PRG4: variants seen among roughly 807,000 people sequenced by gnomAD.
PRG4 encodes articular superficial zone protein.
PRG4 carries 61 observed loss-of-function variants against 91.2 expected under a neutral mutation model. The observed-to-expected ratio is 0.67, with a 90% CI of 0.54 to 0.83. PRG4 has a LOEUF of 0.83. PRG4 is among the 40% of genes least tolerant of loss of function. The pLI is 0.00. For missense variants in PRG4, 1,564 were observed against 1,714.2 expected, an observed-to-expected ratio of 0.91 and a Z score of 1.55; for synonymous variants, 576 against 614.2, an observed-to-expected ratio of 0.94 and a Z score of 0.92.
intron 6 of PRG4, among the ~76,000 whole-genome samples, chr1:186,305,605 C>T (rs575301814): frequency 1.5e-4 from 23 of 152,282 alleles, no homozygotes; most frequent in South Asian, 2.1e-4. Flanking sequence ...TGATTTCCTC[C>T]GAAGCATTCG....
At position 186,308,492 on chromosome 1, in the gene PRG4, C is replaced by G; in HGVS notation, c.2773C>G (p.Arg925Gly). The change falls in exon 7 of 13, where the codon CGT (arginine) becomes GGT (glycine). Residue 925 changes from arginine to glycine, a missense_variant. Arg to Gly is a moderately radical substitution (Grantham distance 125). Transcript: ENST00000445192. ...AKDKTTERDL[R>G]TTPETTTAAP... ...AGACAAGACAACAGAAAGAGACTTA[C>G]GTACTACACCTGAAACTACAACTGC... is the stretch of plus-strand genomic sequence containing the variant. 1.9e-6 allele frequency: 3 copies of G among 1,613,774 alleles called. No individual in the cohort carries two copies. Among genetic ancestry groups the G allele is most frequent in the African/African-American group, 1.3e-5 (1 of 75,022 alleles).
chr1:186,299,790 T>C (rs1656082906), intron 2 of PRG4, among the ~76,000 whole-genome samples: 1 of 152,228 alleles, frequency 6.6e-6, no homozygotes, highest in Admixed American at 6.5e-5. Flanking sequence ...AAACCACAGA[T>C]CGGTAGTAGC....
In PRG4 at chr1:186,308,120, G is replaced by C; in HGVS notation, c.2401G>C (p.Glu801Gln). 6.2e-7 allele frequency: 1 copy of C among 1,602,862 alleles called. No homozygotes were observed. The highest frequency in any genetic ancestry group is 8.5e-7 in the Non-Finnish European group (1 of 1,176,696). The change falls in exon 7 of 13, where the codon GAG (glutamate) becomes CAG (glutamine). Residue 801 changes from glutamate to glutamine, a missense_variant. Coordinates refer to ENST00000445192, the MANE Select transcript of PRG4 (RefSeq NM_005807.6). ...TACTCCCAAGAAGCCTGCCCCCAAG[G>C]AGCTTGCACCCACCACCACCAAGGG... ...PTTPKKPAPK[E>Q]LAPTTTKGPT...
In PRG4 at chr1:186,309,778, T is replaced by C. The variant is rs530754940; in HGVS notation, c.3422-15T>C. ...TTCTGTTCTATATTTGTTTTGTTTT[T>C]GTTAATTTGTTTAGATGAGACCAAT... is the stretch of plus-strand genomic sequence containing the variant. On this transcript the variant is annotated splice_polypyrimidine_tract_variant and intron_variant, in intron 7 of 12. Coordinates refer to ENST00000445192, the MANE Select transcript of PRG4 (RefSeq NM_005807.6). The C allele has an allele frequency of 9.4e-6, 15 of 1,593,580 alleles. No homozygotes were observed. In the East Asian group the frequency reaches 1.1e-4, roughly 12 times the overall value.
intron 6 of PRG4, among the ~76,000 whole-genome samples, chr1:186,305,678 C>T (rs991076795): frequency 1.3e-5 from 2 of 152,138 alleles, no homozygotes; most frequent in African/African-American, 2.4e-5. Flanking sequence ...AGGAAGCCAC[C>T]CTTGGGCTTT....
In PRG4 at chr1:186,307,156, C is replaced by T. The variant is rs774903889; in HGVS notation, c.1437C>T (p.Pro479=). The T allele has an allele frequency of 8.6e-7, 1 of 1,165,994 alleles. No individual in the cohort carries two copies. The highest frequency in any genetic ancestry group is 1.2e-6 in the Non-Finnish European group (1 of 835,194). The allele number at this position is 1,165,994 out of a possible 1,614,324, so 72.2% of individuals were successfully genotyped here. ...PTTKEPAPTT[P]KEPAPTAPKK... is the part of the protein sequence containing the mutation. Reference sequence around the variant, plus strand: ...CCAAGGAGCCTGCACCCACCACTCCCAAAGAGCCTGCACCCACTGCCCCCA... The same window carrying T: ...CCAAGGAGCCTGCACCCACCACTCCTAAAGAGCCTGCACCCACTGCCCCCA... Residue 479 remains proline (P), a synonymous_variant, in exon 7 of 13, where the codon CCC becomes CCT. Transcript: ENST00000445192.
chr1:186,301,579 T>C lies in PRG4; in HGVS notation c.200-13T>C, dbSNP rs375207109. ...AATGAATAATCTGTAACTTCTTGTT[T>C]TGCTCTGGGTAGAGCTTTCCTGTAA... On this transcript the variant is annotated splice_polypyrimidine_tract_variant and intron_variant, in intron 3 of 12. Transcript: ENST00000445192. 1 of 1,613,812 alleles carries C rather than the reference T, an allele frequency of 6.2e-7. No individual in the cohort carries two copies.
intron 1 of PRG4, 39 bp from the exon 2 acceptor site, chr1:186,296,807 T>C: frequency 8.7e-7 from 1 of 1,144,098 alleles, no homozygotes; most frequent in Non-Finnish European, 1.3e-6. Flanking sequence ...AGTGGTGAGA[T>C]GAAAGAGCTG....
At position 186,306,530 on chromosome 1, in the gene PRG4, T is replaced by C. The variant is rs1181660187; in HGVS notation, c.811T>C (p.Ser271Pro). The change falls in exon 7 of 13, where the codon TCT (serine) becomes CCT (proline). Residue 271 changes from serine to proline, a missense_variant. Physicochemically the swap from Ser to Pro is moderately conservative, Grantham distance 74. Transcript: ENST00000445192. Reference sequence around the variant, plus strand: ...CAGTCTTCCACCTAATTCTGATACATCTAAAGAGACGTCTTTGACAGTGAA... The same window carrying C: ...CAGTCTTCCACCTAATTCTGATACACCTAAAGAGACGTCTTTGACAGTGAA... ...RPSLPPNSDT[S>P]KETSLTVNKE... 1 of 1,613,034 alleles carries C rather than the reference T, an allele frequency of 6.2e-7. No individual in the cohort carries two copies. Among genetic ancestry groups the C allele is most frequent in the Admixed American group, 1.7e-5 (1 of 59,990 alleles).
In PRG4 at chr1:186,308,912, A is replaced by T; in HGVS notation, c.3193A>T (p.Thr1065Ser). Reference protein sequence around the residue: ...MTSTMPELNPTSRIAEAMLQT... With the variant: ...MTSTMPELNPSSRIAEAMLQT... ...ATCAACAATGCCAGAATTGAACCCT[A>T]CCTCAAGAATAGCAGAAGCCATGCT... The change falls in exon 7 of 13, where the codon ACC becomes TCC. Residue 1065 changes from threonine to serine, a missense_variant. Coordinates refer to ENST00000445192, the MANE Select transcript of PRG4 (RefSeq NM_005807.6). 1 of 1,612,826 alleles carries T rather than the reference A, an allele frequency of 6.2e-7. No individual in the cohort carries two copies. The highest frequency in any genetic ancestry group is 8.5e-7 in the Non-Finnish European group (1 of 1,179,610).
Position 186,300,198 on chromosome 1 carries a change from A to G in PRG4, c.184A>G (p.Arg62Gly), listed in dbSNP as rs1656109569. 1.2e-6 allele frequency: 2 copies of G among 1,614,138 alleles called. No individual in the cohort carries two copies. Among genetic ancestry groups the G allele is most frequent in the Non-Finnish European group, 8.5e-7 (1 of 1,180,030 alleles). Reference sequence around the variant, plus strand: ...CATGGAGTGCTGCCCTGATTTCAAGAGAGTCTGCACTGCGGGTAAGTCCTG... The same window carrying G: ...CATGGAGTGCTGCCCTGATTTCAAGGGAGTCTGCACTGCGGGTAAGTCCTG... ...HYMECCPDFK[R>G]VCTAELSCKG... Residue 62 changes from arginine to glycine, a missense_variant, in exon 3 of 13, where the codon AGA (arginine) becomes GGA (glycine). Arg to Gly is a moderately radical substitution (Grantham distance 125, BLOSUM62 -2). Transcript: ENST00000445192.
intron 2 of PRG4, among the ~76,000 whole-genome samples, chr1:186,298,172 G>T (rs1021034907): frequency 4.6e-5 from 7 of 152,190 alleles, no homozygotes; most frequent in African/African-American, 1.7e-4. Context: ...CCTGAGGTCT[G>T]GAGTTCAAGA....
Position 186,307,927 on chromosome 1 carries a change from C to A in PRG4, c.2208C>A (p.Thr736=), listed in dbSNP as rs535645624. The A allele has an allele frequency of 1.2e-6, 2 of 1,609,356 alleles. No homozygotes were observed. Among genetic ancestry groups the A allele is most frequent in the East Asian group, 4.5e-5 (2 of 44,564 alleles). The change falls in exon 7 of 13, where the codon ACC becomes ACA. Residue 736 remains threonine, a synonymous_variant. Transcript: ENST00000445192. ...CTGCCCCCAAGGAGCTTGCACCCACCACCACCAAGGAGCCCACATCCACCA... is the reference window on the plus strand; with the variant it reads ...CTGCCCCCAAGGAGCTTGCACCCACAACCACCAAGGAGCCCACATCCACCA... ...KKPAPKELAP[T]TTKEPTSTTS...
chr1:186,306,094 A>G (rs1474166028), intron 6 of PRG4, among the ~76,000 whole-genome samples: 1 of 152,204 alleles, frequency 6.6e-6, no homozygotes, highest in Admixed American at 6.5e-5. Context: ...TTAATTGTAT[A>G]GAGTTTTATT....
rs1367087179 is a variant in PRG4, at chr1:186,306,633, C to T, written c.914C>T (p.Thr305Ile). 4 of 1,613,546 alleles carry T rather than the reference C, an allele frequency of 2.5e-6. No homozygotes were observed. The highest frequency in any genetic ancestry group is 3.4e-6 in the Non-Finnish European group (4 of 1,179,654). ...QTSTDGKEKT[T>I]SAKETQSIEK... ...TCAACTGATGGAAAAGAGAAGACTA[C>T]TTCCGCTAAAGAGACACAAAGTATA... Residue 305 changes from threonine to isoleucine, a missense_variant, in exon 7 of 13, where the codon ACT becomes ATT. Coordinates refer to ENST00000445192, the MANE Select transcript of PRG4 (RefSeq NM_005807.6).
At chr1:186,306,240 G>A (rs1012606683) in intron 6 of PRG4, 78 bp from the exon 7 acceptor site, 35 of 1,171,660 alleles carry the variant, frequency 3.0e-5, no homozygotes, top group Admixed American at 2.7e-4. Context: ...ACTAGTCAAT[G>A]ATAAAGATGG....
chr1:186,311,513 G>T lies in PRG4; in HGVS notation c.3710G>T (p.Gly1237Val), dbSNP rs1657232247. 1 of 1,613,892 alleles carries T rather than the reference G, an allele frequency of 6.2e-7. No homozygotes were observed. Among genetic ancestry groups the T allele is most frequent in the Non-Finnish European group, 8.5e-7 (1 of 1,179,862 alleles). ...GYPKPIFKGF[G>V]GLTGQIVAAL... The stretch of plus-strand genomic sequence containing the variant: ...CCCAAACCAATTTTCAAAGGATTTG[G>T]AGGACTAACTGGACAAATAGTGGCA... Residue 1237 changes from glycine to valine, a missense_variant, in exon 10 of 13, where the codon GGA becomes GTA. By Grantham distance (109) the Gly-to-Val change is moderately radical. Around this residue, in one of 3 missense-constraint regions of PRG4, gnomAD observed 1,079 missense variants for 1,162.2 expected, o/e 0.93. Coordinates refer to ENST00000445192, the MANE Select transcript of PRG4 (RefSeq NM_005807.6).
Position 186,307,404 on chromosome 1 carries a change from C to T in PRG4, c.1685C>T (p.Pro562Leu), listed in dbSNP as rs746698323. 4 of 1,603,484 alleles carry T rather than the reference C, an allele frequency of 2.5e-6. No individual in the cohort carries two copies. The Admixed American group carries it at 5.1e-5, about 20-fold the overall frequency. ...PSPTTTKEPA[P>L]TTPKEPAPTT... The stretch of plus-strand genomic sequence containing the variant: ...CCCACCACCACCAAGGAGCCTGCAC[C>T]CACCACTCCCAAGGAGCCTGCACCC... Residue 562 changes from proline (P) to leucine (L), a missense_variant, in exon 7 of 13, where the codon CCC (proline) becomes CTC (leucine). By Grantham distance (98) the Pro-to-Leu change is moderately conservative (BLOSUM62 -3). Coordinates refer to ENST00000445192, the MANE Select transcript of PRG4 (RefSeq NM_005807.6).
chr1:186,311,562 G>C lies in PRG4; in HGVS notation c.3759G>C (p.Lys1253Asn). The C allele has an allele frequency of 6.2e-7, 1 of 1,613,930 alleles. No homozygotes were observed. The highest frequency in any genetic ancestry group is 8.5e-7 in the Non-Finnish European group (1 of 1,179,908). ...CAGCGCTTTCAACAGCTAAATATAA[G>C]AACTGGCCTGAATCTGTGTATTTTT... ...IVAALSTAKYKNWPESVYFFK... is the reference protein window; with the variant it reads ...IVAALSTAKYNNWPESVYFFK... The change falls in exon 10 of 13, where the codon AAG becomes AAC. Residue 1253 changes from lysine to asparagine, a missense_variant. Physicochemically the swap from Lys to Asn is moderately conservative, Grantham distance 94. This residue lies in a region of PRG4 where 1,079 missense variants were observed against 1,162.2 expected (regional missense o/e 0.93). Transcript: ENST00000445192.
Sources: gnomAD v4.1 joint callset for allele counts (sites outside exome capture counted in the v4.1 genomes callset) on GRCh38, gnomAD v4.1.1 for gene constraint, gnomAD v4.1.1 regional missense constraint, MANE v1.5 for transcripts, NCBI Gene and HGNC (gene_info 2026-07-23, HGNC 2026-07-21) for gene names.